Variants in CRTAC1 observed in about 807,000 individuals in gnomAD.
CRTAC1 encodes acidic secreted protein in cartilage.
A neutral mutation model predicts 67.8 loss-of-function variants in CRTAC1; 37 were observed. The ratio of observed to expected loss-of-function variants is 0.55; its 90% CI spans 0.42 to 0.72. CRTAC1 has a LOEUF of 0.72. CRTAC1 is among the 30% of genes least tolerant of loss of function. CRTAC1 has a pLI of 0.00. For missense variants in CRTAC1, 780 were observed against 931.6 expected, an observed-to-expected ratio of 0.84 and a Z score of 2.12; for synonymous variants, 348 against 371.0, an observed-to-expected ratio of 0.94 and a Z score of 0.71.
At chr10:97,970,883 T>C (rs1457364293) in intron 2 of CRTAC1, among the ~76,000 whole-genome samples, 2 of 152,204 alleles carry the variant, frequency 1.3e-5, no homozygotes, top group African/African-American at 2.4e-5. Context: ...CAAGTGCCTA[T>C]AGAGTAATAA....
At position 97,895,920 on chromosome 10, in the gene CRTAC1, T is replaced by C. The variant is rs781587663; in HGVS notation, c.1282A>G (p.Met428Val). 14 of 1,614,016 alleles carry C rather than the reference T, an allele frequency of 8.7e-6. No individual in the cohort carries two copies. The highest frequency in any genetic ancestry group is 1.2e-5 in the Non-Finnish European group (14 of 1,179,934). Residue 428 changes from methionine to valine, a missense_variant, in exon 10 of 15, where the codon ATG becomes GTG. Physicochemically the swap from Met to Val is conservative, Grantham distance 21. Coordinates refer to ENST00000370597, the MANE Select transcript of CRTAC1 (RefSeq NM_018058.7). This position sits in a 1 kb window ranked among gnomAD's most constrained non-coding sequence, Gnocchi z 4.2. ...CGGAAGACGGACAGCGGCTGAGCCA[T>C]GGACTCTCCATGGGACAAGATGAGG... is the stretch of plus-strand genomic sequence containing the variant. ...LDLILSHGESMAQPLSVFRGN... is the reference protein window; with the variant it reads ...LDLILSHGESVAQPLSVFRGN...
At chr10:98,003,993 A>G (rs1842739567) in intron 2 of CRTAC1, among the ~76,000 whole-genome samples, 1 of 152,200 alleles carries the variant, frequency 6.6e-6, no homozygotes, top group African/African-American at 2.4e-5. Context: ...CTGCTAGGTA[A>G]CCTTTTTTAG....
At chr10:97,961,933 G>C (rs562008898) in intron 2 of CRTAC1, among the ~76,000 whole-genome samples, 1 of 152,166 alleles carries the variant, frequency 6.6e-6, no homozygotes, top group Non-Finnish European at 1.5e-5. Flanking sequence ...GTTTCCATGC[G>C]TACTTGGTGC....
rs1843334139 is a variant in CRTAC1, at chr10:98,029,999, G to A, written c.24+450C>T. On this transcript the variant is annotated intron_variant, in intron 1 of 14. Transcript: ENST00000370597. This position sits in a 1 kb window ranked among gnomAD's most constrained non-coding sequence, Gnocchi z 4.7. ...CGGGGCTCTTCCCCAGCCTGGAAGC[G>A]TAGGCACTCGGCCGAGGCCAGTGGC... Among the ~76,000 whole-genome samples, 1 of 151,054 alleles carries A rather than the reference G, an allele frequency of 6.6e-6. No homozygotes were observed. Among genetic ancestry groups the A allele is most frequent in the South Asian group, 2.1e-4 (1 of 4,790 alleles).
chr10:98,008,376 C>A (rs910929364), intron 2 of CRTAC1, among the ~76,000 whole-genome samples: 1 of 135,056 alleles, frequency 7.4e-6, no homozygotes, highest in Non-Finnish European at 1.5e-5. Context: ...CGCACCCTTT[C>A]TTTCCTTCCA....
chr10:97,929,131 A>G (rs976102352), intron 3 of CRTAC1, among the ~76,000 whole-genome samples: 4 of 152,050 alleles, frequency 2.6e-5, no homozygotes, highest in Non-Finnish European at 4.4e-5. Context: ...AAGCAGGGAC[A>G]CTGAGCTTAC....
At chr10:97,892,439 G>C (rs1343556592) in intron 11 of CRTAC1, among the ~76,000 whole-genome samples, 2 of 152,184 alleles carry the variant, frequency 1.3e-5, no homozygotes, top group South Asian at 4.1e-4. Context: ...GGTCACCTTG[G>C]TGCTTGGCTG....
At chr10:97,872,884 A>G (rs2050108614) in intron 14 of CRTAC1, among the ~76,000 whole-genome samples, 1 of 152,146 alleles carries the variant, frequency 6.6e-6, no homozygotes, top group Non-Finnish European at 1.5e-5. Context: ...TGAGTGATGG[A>G]TGTGTCTTGT....
chr10:97,970,750 T>C (rs776301400), intron 2 of CRTAC1, among the ~76,000 whole-genome samples: 3 of 152,230 alleles, frequency 2.0e-5, no homozygotes, highest in East Asian at 3.8e-4. Context: ...GTAAACTCCA[T>C]GAGGGCAGGG....
chr10:97,918,186 A>G (rs145606183), intron 4 of CRTAC1, among the ~76,000 whole-genome samples: 1 of 152,182 alleles, frequency 6.6e-6, no homozygotes, highest in East Asian at 1.9e-4. Context: ...AGAGGCACAG[A>G]TTTGCAGGGG....
intron 1 of CRTAC1, among the ~76,000 whole-genome samples, chr10:98,021,145 C>T (rs1043618666): frequency 2.6e-5 from 4 of 152,152 alleles, no homozygotes; most frequent in Non-Finnish European, 5.9e-5. Context: ...AGCATACATT[C>T]TAATGCTTCT....
rs184249336 is a variant in CRTAC1, at chr10:97,895,477, A to G, written c.1318-64T>C. On this transcript the variant is annotated intron_variant, in intron 10 of 14. Transcript: ENST00000370597. The surrounding 1 kb of genome is among the most constrained non-coding windows in gnomAD (Gnocchi z 4.2). ...AGCATGGTGGGTGGGAAGAGCAGGGAGCCAGGGAGGACGGGAGGGGGAGAG... is the reference window on the plus strand; with the variant it reads ...AGCATGGTGGGTGGGAAGAGCAGGGGGCCAGGGAGGACGGGAGGGGGAGAG... 4.7e-4 allele frequency: 677 copies of G among 1,453,362 alleles called. 1 individual carries two copies. The African/African-American group carries it at 8.6e-3, about 18-fold the overall frequency. The allele number at this position is 1,453,362 out of a possible 1,614,324, so 90.0% of individuals were successfully genotyped here. A position where few individuals can be genotyped will look rare whatever the true frequency, so the allele number is the denominator to read the frequency against.
intron 2 of CRTAC1, among the ~76,000 whole-genome samples, chr10:97,956,714 G>T (rs769874149): frequency 6.6e-6 from 1 of 152,102 alleles, no homozygotes; most frequent in African/African-American, 2.4e-5. Flanking sequence ...ACATAACCCA[G>T]ACAGTTTCCC....
intron 2 of CRTAC1, among the ~76,000 whole-genome samples, chr10:98,001,989 G>T (rs1399447931): frequency 1.3e-5 from 2 of 152,264 alleles, no homozygotes; most frequent in African/African-American, 2.4e-5. Flanking sequence ...ATATTCCAAA[G>T]AGCAGGGCAA....
At chr10:97,909,819 A>G (rs2050664208) in intron 5 of CRTAC1, among the ~76,000 whole-genome samples, 1 of 152,228 alleles carries the variant, frequency 6.6e-6, no homozygotes, top group Admixed American at 6.5e-5. Flanking sequence ...GTGTCCATCA[A>G]TGGATGAATA....
intron 2 of CRTAC1, among the ~76,000 whole-genome samples, chr10:97,984,562 T>C (rs897296692): frequency 2.0e-5 from 3 of 152,224 alleles, no homozygotes; most frequent in African/African-American, 7.2e-5. Flanking sequence ...CTGGTAATGT[T>C]GTTTTGGGTC....
At position 97,953,018 on chromosome 10, in the gene CRTAC1, T is replaced by C. The variant is rs139374879; in HGVS notation, c.225-16652A>G. Reference sequence around the variant, plus strand: ...CCACTCCCAGGAACCATTCATTCTCTTGAGCCTATGCCTCTGCCACTCTAG... The same window carrying C: ...CCACTCCCAGGAACCATTCATTCTCCTGAGCCTATGCCTCTGCCACTCTAG... On this transcript the variant is annotated intron_variant, in intron 2 of 14. Coordinates refer to ENST00000370597, the MANE Select transcript of CRTAC1 (RefSeq NM_018058.7). Among the ~76,000 whole-genome samples, 399 of 152,310 alleles carry C rather than the reference T, an allele frequency of 2.6e-3. 2 individuals carry two copies. Among genetic ancestry groups the C allele is most frequent in the African/African-American group, 9.0e-3 (375 of 41,580 alleles).
At chr10:97,979,206 G>C (rs1001335035) in intron 2 of CRTAC1, among the ~76,000 whole-genome samples, 1 of 152,150 alleles carries the variant, frequency 6.6e-6, no homozygotes, top group Admixed American at 6.5e-5. Context: ...TTTGAGTTCC[G>C]TGATAGTCAA....
At position 97,947,657 on chromosome 10, in the gene CRTAC1, T is replaced by A. The variant is rs539409176; in HGVS notation, c.225-11291A>T. On this transcript the variant is annotated intron_variant, in intron 2 of 14. Coordinates refer to ENST00000370597, the MANE Select transcript of CRTAC1 (RefSeq NM_018058.7). ...AAAGAATGAGGTAGACAGATACAGA[T>A]TGTCGGTAAAGGATGTTTAATTGGG... Among the ~76,000 whole-genome samples the A allele has an allele frequency of 2.6e-5, 4 of 152,286 alleles. No homozygotes were observed. In the South Asian group the frequency reaches 8.3e-4, roughly 32 times the overall value.
Sources: allele counts gnomAD v4.1 joint callset (sites outside exome capture counted in the v4.1 genomes callset), GRCh38; gene constraint gnomAD v4.1.1; non-coding constraint Gnocchi (gnomAD v3.1); transcripts MANE v1.5; gene names NCBI Gene and HGNC (gene_info 2026-07-23, HGNC 2026-07-21).